C8A: variants seen among roughly 807,000 people sequenced by gnomAD.
C8A encodes complement C8 alpha chain.
C8A carries 67 observed loss-of-function variants against 65.3 expected under a neutral mutation model. The ratio of observed to expected loss-of-function variants is 1.03; its 90% confidence interval spans 0.84 to 1.26. The LOEUF is 1.26. Ranked by LOEUF, C8A falls within the 50% of genes most tolerant of loss-of-function variation. The pLI is 0.00. For synonymous variants in C8A, 290 were observed against 259.4 expected (o/e 1.12, Z -1.13); for missense variants, 781 against 723.9 (o/e 1.08, Z -0.90).
At position 56,906,741 on chromosome 1, in the gene C8A, G is replaced by A. The variant is rs1385164939; in HGVS notation, c.1171G>A (p.Gly391Ser). ...GIQYEDKINV[G>S]GGLSGDHCKK... ...TCAATATGAAGACAAAATAAATGTTGGTGGAGGTTTATCAGGAGACCATTG... is the reference window on the plus strand; with the variant it reads ...TCAATATGAAGACAAAATAAATGTTAGTGGAGGTTTATCAGGAGACCATTG... The change falls in exon 8 of 11, where the codon GGT becomes AGT. Residue 391 changes from glycine to serine, a missense_variant. Transcript: ENST00000361249. 1 of 1,614,078 alleles carries A rather than the reference G, an allele frequency of 6.2e-7. No homozygotes were observed. Among genetic ancestry groups the A allele is most frequent in the South Asian group, 1.1e-5 (1 of 91,082 alleles).
intron 9 of C8A, among the ~76,000 whole-genome samples, chr1:56,908,922 G>A (rs1644486985): frequency 6.6e-6 from 1 of 152,180 alleles, no homozygotes; most frequent in Admixed American, 6.5e-5. Context: ...ATATGGAAAT[G>A]TCTGGAGATG....
chr1:56,854,861 T>TATTC lies in C8A; in HGVS notation c.-40_-37dup. 1.3e-6 allele frequency: 2 copies of TATTC among 1,565,590 alleles called. No individual in the cohort carries two copies. Among genetic ancestry groups the TATTC allele is most frequent in the Non-Finnish European group, 1.8e-6 (2 of 1,139,230 alleles). Reference sequence around the variant, plus strand: ...CTCCAATTTCCTGAATAGATAGCTTTATTCCTTCAAGGTAATATAGTGCGG... The same window carrying TATTC: ...CTCCAATTTCCTGAATAGATAGCTTTATTCATTCCTTCAAGGTAATATAGTGCGG... On this transcript the variant is annotated 5_prime_UTR_variant, in exon 1 of 11. Transcript: ENST00000361249.
intron 2 of C8A, among the ~76,000 whole-genome samples, chr1:56,873,657 GC>G (rs1340977715): frequency 6.6e-6 from 1 of 152,156 alleles, no homozygotes; most frequent in Non-Finnish European, 1.5e-5. Context: ...CACTTCTCTT[GC>G]TGCTCAAATC....
intron 7 of C8A, among the ~76,000 whole-genome samples, chr1:56,896,156 A>G (rs1413192303): frequency 2.0e-5 from 3 of 152,180 alleles, no homozygotes; most frequent in Non-Finnish European, 4.4e-5. Context: ...TGTATTAGTC[A>G]GGTTCTCCAG....
chr1:56,909,631 A>C (rs540923952), intron 9 of C8A, among the ~76,000 whole-genome samples: 10 of 152,330 alleles, frequency 6.6e-5, no homozygotes, highest in Non-Finnish European at 1.5e-4. Flanking sequence ...CATTTGGAGA[A>C]GACCACTACA....
At chr1:56,882,379 T>C (rs1644255022) in intron 5 of C8A, among the ~76,000 whole-genome samples, 1 of 152,150 alleles carries the variant, frequency 6.6e-6, no homozygotes, top group African/African-American at 2.4e-5. Context: ...CACAATGGGA[T>C]AGATATTATC....
intron 8 of C8A, 139 bp from the exon 9 acceptor site, chr1:56,907,817 T>TA: frequency 9.8e-7 from 1 of 1,016,138 alleles, no homozygotes; most frequent in South Asian, 1.4e-5. Context: ...TCCTGCTAGC[T>TA]AACCAAGAAG....
intron 7 of C8A, among the ~76,000 whole-genome samples, chr1:56,892,929 G>A (rs143350345): frequency 3.3e-4 from 50 of 152,252 alleles, no homozygotes; most frequent in African/African-American, 1.2e-3. Flanking sequence ...TTAAACTGCT[G>A]TGATTCTTGG....
intron 7 of C8A, among the ~76,000 whole-genome samples, chr1:56,889,779 G>A (rs1033934794): frequency 3.9e-5 from 6 of 152,046 alleles, no homozygotes; most frequent in South Asian, 4.1e-4. Flanking sequence ...GAGGATGCAC[G>A]AGGCTGTTTT....
intron 9 of C8A, among the ~76,000 whole-genome samples, chr1:56,911,065 G>GTTTTTT (rs11325191): frequency 0.03 from 4,279 of 141,694 alleles, 161 homozygotes; most frequent in African/African-American, 0.094. Context: ...AAAAACATGG[G>GTTTTTT]TTTTTTTTTT....
Position 56,883,685 on chromosome 1 carries a change from T to A in C8A, c.855+4T>A. 1 of 1,610,416 alleles carries A rather than the reference T, an allele frequency of 6.2e-7. No homozygotes were observed. The highest frequency in any genetic ancestry group is 8.5e-7 in the Non-Finnish European group (1 of 1,176,994). ...ATTAAACAAGTATAATGAGAAGGTA[T>A]TCAAACATAATGTCTGTGTCTCACA... On this transcript the variant is annotated splice_donor_region_variant and intron_variant, in intron 6 of 10. Coordinates refer to ENST00000361249, the MANE Select transcript of C8A (RefSeq NM_000562.3).
chr1:56,904,086 A>C (rs1293453912), intron 7 of C8A, among the ~76,000 whole-genome samples: 1 of 152,156 alleles, frequency 6.6e-6, no homozygotes, highest in Admixed American at 6.6e-5. Flanking sequence ...AGTTCTTTAT[A>C]ATGGCTCCAG....
intron 10 of C8A, among the ~76,000 whole-genome samples, chr1:56,916,447 A>C (rs775165573): frequency 6.6e-6 from 1 of 152,172 alleles, no homozygotes; most frequent in South Asian, 2.1e-4. Flanking sequence ...ACCTTTGCCT[A>C]TGGAGACTGA....
chr1:56,859,222 G>A lies in C8A; in HGVS notation c.77+4244G>A, dbSNP rs191919069. On this transcript the variant is annotated intron_variant, in intron 1 of 10. Coordinates refer to ENST00000361249, the MANE Select transcript of C8A (RefSeq NM_000562.3). ...TCTGTTTTACTCATCTATAAAATGG[G>A]AATAGTACTTCCTACCACCACAGGG... Among the ~76,000 whole-genome samples, 15 of 152,202 alleles carry A rather than the reference G, an allele frequency of 9.9e-5. 1 individual carries two copies. In the East Asian group the frequency reaches 2.9e-3, roughly 29 times the overall value.
chr1:56,884,310 A>G (rs1644272638), intron 6 of C8A, among the ~76,000 whole-genome samples: 1 of 152,126 alleles, frequency 6.6e-6, no homozygotes, highest in Non-Finnish European at 1.5e-5. Flanking sequence ...TGGGATTGAA[A>G]GTACTTCAGC....
At chr1:56,879,989 G>C (rs1644235245) in intron 4 of C8A, among the ~76,000 whole-genome samples, 1 of 152,150 alleles carries the variant, frequency 6.6e-6, no homozygotes, top group South Asian at 2.1e-4. Context: ...ACACAGAGGA[G>C]GAAACAGCAG....
intron 4 of C8A, among the ~76,000 whole-genome samples, chr1:56,878,446 T>C (rs1217431992): frequency 6.6e-6 from 1 of 152,202 alleles, no homozygotes; most frequent in Non-Finnish European, 1.5e-5. Flanking sequence ...TGGCAGAACA[T>C]GGATCTTCTC....
intron 2 of C8A, among the ~76,000 whole-genome samples, chr1:56,869,151 G>A (rs1644119149): frequency 6.6e-6 from 1 of 152,106 alleles, no homozygotes; most frequent in African/African-American, 2.4e-5. Flanking sequence ...CCAATGTGTA[G>A]TCTTTTATTC....
intron 4 of C8A, among the ~76,000 whole-genome samples, chr1:56,879,844 T>TA (rs1448582552): frequency 6.6e-6 from 1 of 152,202 alleles, no homozygotes; most frequent in Non-Finnish European, 1.5e-5. Flanking sequence ...GCTCTATAAT[T>TA]ATCCACTTAT....
Sources: gnomAD v4.1 joint callset for allele counts (sites outside exome capture counted in the v4.1 genomes callset) on GRCh38, gnomAD v4.1.1 for gene constraint, MANE v1.5 for transcripts, NCBI Gene and HGNC (gene_info 2026-07-23, HGNC 2026-07-21) for gene names.